Variants in MYCBP2 observed in about 807,000 individuals in gnomAD.
The protein encoded by MYCBP2 is MYC binding protein 2, also known as E3 ubiquitin-protein ligase MYCBP2.
A neutral mutation model predicts 525.3 loss-of-function variants in MYCBP2; 120 were observed. The observed-to-expected ratio is 0.23, with a 90% CI of 0.20 to 0.27. The LOEUF (loss-of-function observed/expected upper bound fraction) is 0.27. Among genes scored for constraint, MYCBP2 ranks in the 10% least tolerant of loss-of-function variants. The pLI is 1.00. For missense variants in MYCBP2, 4,149 were observed against 5,657.1 expected (o/e 0.73, Z 8.55); for synonymous variants, 1,894 against 1,955.8 (o/e 0.97, Z 0.83).
intron 68 of MYCBP2, among the ~76,000 whole-genome samples, chr13:77,074,041 A>G (rs1436398853): frequency 2.4e-4 from 30 of 125,056 alleles, no homozygotes; most frequent in Admixed American, 7.6e-4. Context: ...GGTCAAGCTG[A>G]TTCTAAGCTT....
At chr13:77,113,295 C>T (rs1476480216) in intron 55 of MYCBP2, among the ~76,000 whole-genome samples, 1 of 152,140 alleles carries the variant, frequency 6.6e-6, no homozygotes, top group Non-Finnish European at 1.5e-5. Context: ...TCCTATGTTT[C>T]CATTGCATCC....
Position 77,326,923 on chromosome 13 carries a change from CCTTCTCCTCCTCCTT to C in MYCBP2, c.-163_-149del, listed in dbSNP as rs1567275939. 4.6e-6 allele frequency: 3 copies of C among 651,066 alleles called. No individual in the cohort carries two copies. Among genetic ancestry groups the C allele is most frequent in the East Asian group, 3.4e-5 (1 of 29,230 alleles). 40.3% of individuals were successfully genotyped at this position (651,066 alleles called of 1,614,324 possible). ...AGGGAGACTACAAAGACAGCGACCT[CCTTCTCCTCCTCCTT>C]CTTCTCCTCCTCCCCCCCGCGCCGC... On this transcript the variant is annotated 5_prime_UTR_variant, in exon 1 of 83. Transcript: ENST00000544440. The surrounding 1 kb of genome is among the most constrained non-coding windows in gnomAD (Gnocchi z 4.2).
At chr13:77,094,415 C>T (rs544701567) in intron 58 of MYCBP2, among the ~76,000 whole-genome samples, 1 of 152,302 alleles carries the variant, frequency 6.6e-6, no homozygotes, top group South Asian at 2.1e-4. Context: ...TTAGCTTCCA[C>T]ATTCCACAGT....
chr13:77,102,156 T>A (rs924743937), intron 55 of MYCBP2, among the ~76,000 whole-genome samples: 4 of 151,856 alleles, frequency 2.6e-5, no homozygotes, highest in Admixed American at 6.6e-5. Context: ...AAATCTTAAA[T>A]TATCAGGATC....
Position 77,064,674 on chromosome 13 carries a change from C to A in MYCBP2, c.12613G>T (p.Ala4205Ser). 6.2e-7 allele frequency: 1 copy of A among 1,613,800 alleles called. No individual in the cohort carries two copies. Among genetic ancestry groups the A allele is most frequent in the Non-Finnish European group, 8.5e-7 (1 of 1,179,842 alleles). Residue 4205 changes from alanine to serine, a missense_variant, in exon 73 of 83, where the codon GCC becomes TCC. Around this residue, in one of 21 missense-constraint regions of MYCBP2, gnomAD observed 148 missense variants for 179.4 expected, o/e 0.82. Transcript: ENST00000544440. The stretch of plus-strand genomic sequence containing the variant: ...AATTCTTCTTCCATCTTGGTCAAGG[C>A]AATGATGGTTTCTGCAATAGCATTT... Reference protein sequence around the residue: ...TKNAIAETIIALTKMEEEFRS... With the variant: ...TKNAIAETIISLTKMEEEFRS...
chr13:77,144,663 G>A, intron 48 of MYCBP2, 103 bp from the exon 49 acceptor site: 1 of 779,478 alleles, frequency 1.3e-6, no homozygotes, highest in Non-Finnish European at 2.3e-6. Context: ...ATACCTCCTG[G>A]CAATCCTACC....
chr13:77,138,747 G>A (rs2054142025), intron 52 of MYCBP2, among the ~76,000 whole-genome samples: 1 of 152,150 alleles, frequency 6.6e-6, no homozygotes, highest in South Asian at 2.1e-4. Context: ...AGCCGAGAAG[G>A]AAGAGAGTCA....
intron 14 of MYCBP2, among the ~76,000 whole-genome samples, chr13:77,254,569 G>T (rs1203101482): frequency 2.0e-5 from 3 of 151,784 alleles, no homozygotes; most frequent in Admixed American, 2.0e-4. Flanking sequence ...AATGTCTAAT[G>T]ATCAAATCTG....
rs779520181 is a variant in MYCBP2, at chr13:77,326,700, C to G, written c.76G>C (p.Ala26Pro). The G allele has an allele frequency of 4.2e-6, 6 of 1,436,518 alleles. No individual in the cohort carries two copies. Among genetic ancestry groups the G allele is most frequent in the Middle Eastern group, 2.3e-4 (1 of 4,294 alleles). The allele number at this position is 1,436,518 out of a possible 1,614,324, so 89.0% of individuals were successfully genotyped here. A position where few individuals can be genotyped will look rare whatever the true frequency, so the allele number is the denominator to read the frequency against. The change falls in exon 1 of 83, where the codon GCC (alanine) becomes CCC (proline). Residue 26 changes from alanine (A) to proline (P), a missense_variant. Physicochemically the swap from Ala to Pro is conservative, Grantham distance 27. Around this residue, in one of 21 missense-constraint regions of MYCBP2, gnomAD observed 413 missense variants for 451.2 expected, o/e 0.92. Transcript: ENST00000544440. The surrounding 1 kb of genome is among the most constrained non-coding windows in gnomAD (Gnocchi z 4.2). ...GLGGDGFYPA[A>P]TFSSSPAPGA... ...GGCGCCGGGGAGGAAGAGAAGGTGG[C>G]GGCTGGGTAGAATCCGTCCCCGCCG...
chr13:77,147,240 C>T (rs916903597), intron 47 of MYCBP2, among the ~76,000 whole-genome samples: 5 of 152,062 alleles, frequency 3.3e-5, no homozygotes, highest in South Asian at 2.1e-4. Context: ...TCACTACACT[C>T]AGGGCAGTGG....
At chr13:77,181,422 T>C (rs1291591126) in intron 33 of MYCBP2, among the ~76,000 whole-genome samples, 1 of 152,170 alleles carries the variant, frequency 6.6e-6, no homozygotes, top group African/African-American at 2.4e-5. Flanking sequence ...AACAAATATG[T>C]AGGTATTCAT....
intron 26 of MYCBP2, among the ~76,000 whole-genome samples, chr13:77,200,053 A>G (rs921892680): frequency 6.6e-6 from 1 of 152,260 alleles, no homozygotes; most frequent in Non-Finnish European, 1.5e-5. Flanking sequence ...AATGACTTTG[A>G]CGAGCTGAGA....
intron 13 of MYCBP2, among the ~76,000 whole-genome samples, chr13:77,259,140 C>T (rs958851525): frequency 1.3e-5 from 2 of 152,036 alleles, no homozygotes; most frequent in African/African-American, 4.8e-5. Context: ...TGGCACGTGC[C>T]TATAATCTCA....
rs60927409 is a variant in MYCBP2 at position 77,183,541 on chromosome 13, C to CTTTTTTTTTTTTTTTTTTTT, written c.4719+1542_4719+1561dup. Reference sequence around the variant, plus strand: ...TTGTTTATAGTGATAGTCCCTATTTCTTTTTTTTTTTTTTTTTTTTTTTTT... The same window carrying CTTTTTTTTTTTTTTTTTTTT: ...TTGTTTATAGTGATAGTCCCTATTTCTTTTTTTTTTTTTTTTTTTTTTTTTTTTTTTTTTTTTTTTTTTTT... On this transcript the variant is annotated intron_variant, in intron 32 of 82. Coordinates refer to ENST00000544440, the MANE Select transcript of MYCBP2 (RefSeq NM_015057.5). 1.4e-4 allele frequency among the ~76,000 whole-genome samples: 9 copies of CTTTTTTTTTTTTTTTTTTTT among 66,076 alleles called. 2 individuals carry two copies. Among genetic ancestry groups the CTTTTTTTTTTTTTTTTTTTT allele is most frequent in the African/African-American group, 5.0e-4 (7 of 14,112 alleles). The allele number at this position is 66,076 out of a possible 152,430, so 43.3% of individuals were successfully genotyped here.
In MYCBP2 at chr13:77,058,275, G is replaced by C; in HGVS notation, c.13272C>G (p.Ala4424=). 1 of 1,614,136 alleles carries C rather than the reference G, an allele frequency of 6.2e-7. No individual in the cohort carries two copies. Among genetic ancestry groups the C allele is most frequent in the Non-Finnish European group, 8.5e-7 (1 of 1,180,028 alleles). Reference sequence around the variant, plus strand: ...TGAAACATATCATGCACATGTCATCGGCGTCTTGCTTCAGGCTTGTGGCAC... The same window carrying C: ...TGAAACATATCATGCACATGTCATCCGCGTCTTGCTTCAGGCTTGTGGCAC... The part of the protein sequence containing the change: ...DKSATSLKQD[A]DDMCMICFTE... Residue 4424 remains alanine, a synonymous_variant, in exon 78 of 83, where the codon GCC becomes GCG. Transcript: ENST00000544440. The surrounding 1 kb of genome is among the most constrained non-coding windows in gnomAD (Gnocchi z 4.1).
intron 4 of MYCBP2, among the ~76,000 whole-genome samples, chr13:77,277,916 T>C (rs2075802626): frequency 6.6e-6 from 1 of 152,366 alleles, no homozygotes; most frequent in Admixed American, 6.5e-5. Flanking sequence ...TTAAAAATTA[T>C]GCTTCCATCT....
intron 32 of MYCBP2, among the ~76,000 whole-genome samples, chr13:77,184,678 G>A (rs2060561744): frequency 6.6e-6 from 1 of 152,118 alleles, no homozygotes; most frequent in South Asian, 2.1e-4. Context: ...TCTGTGACTT[G>A]GTGCATAAAG....
intron 47 of MYCBP2, among the ~76,000 whole-genome samples, chr13:77,147,577 T>G (rs960545081): frequency 6.6e-6 from 1 of 152,136 alleles, no homozygotes; most frequent in Non-Finnish European, 1.5e-5. Context: ...CTACCCTTTT[T>G]GTTTTCATAA....
intron 26 of MYCBP2, among the ~76,000 whole-genome samples, chr13:77,204,107 G>A (rs2062982660): frequency 1.3e-5 from 2 of 149,718 alleles, no homozygotes; most frequent in African/African-American, 4.9e-5. Context: ...GAGTGAACAG[G>A]CAACCTACAA....
Sources: allele counts gnomAD v4.1 joint callset (sites outside exome capture counted in the v4.1 genomes callset), GRCh38; gene constraint gnomAD v4.1.1; regional missense constraint gnomAD v4.1.1; non-coding constraint Gnocchi (gnomAD v3.1); transcripts MANE v1.5; gene names NCBI Gene and HGNC (gene_info 2026-07-23, HGNC 2026-07-21).